The following PTPRT variants were observed in gnomAD, a reference collection of about 807,000 sequenced individuals.
PTPRT encodes the protein protein tyrosine phosphatase receptor type T.
In PTPRT, 56 loss-of-function variants were observed where a neutral mutation model predicts 176.8. The ratio of observed to expected loss-of-function variants is 0.32; its 90% CI spans 0.26 to 0.40. PTPRT has a LOEUF of 0.40. Among genes scored for constraint, PTPRT ranks in the 10% least tolerant of loss-of-function variants. The pLI, the probability that PTPRT is intolerant of heterozygous loss-of-function variation, is 1.00. For synonymous variants in PTPRT, 783 were observed against 739.0 expected, an observed-to-expected ratio of 1.06 and a Z score of -0.96; for missense variants, 1,540 against 1,908.2, an observed-to-expected ratio of 0.81 and a Z score of 3.60.
At chr20:42,548,222 A>G (rs1006903060) in intron 7 of PTPRT, among the ~76,000 whole-genome samples, 1 of 152,234 alleles carries the variant, frequency 6.6e-6, no homozygotes, top group South Asian at 2.1e-4. Context: ...AGATAAACTT[A>G]GCTTAAAATT....
chr20:42,557,159 C>A (rs988413738), intron 7 of PTPRT, among the ~76,000 whole-genome samples: 2 of 152,080 alleles, frequency 1.3e-5, no homozygotes, highest in African/African-American at 2.4e-5. Context: ...GCTTGTTTTG[C>A]GGGCTCACCC....
At chr20:42,509,023 A>G (rs1219579988) in intron 7 of PTPRT, among the ~76,000 whole-genome samples, 3 of 83,228 alleles carry the variant, frequency 3.6e-5, no homozygotes, top group African/African-American at 1.6e-4. Context: ...TTTATATTTA[A>G]TTTATAGATA....
At chr20:42,967,434 G>C (rs1196021415) in intron 1 of PTPRT, among the ~76,000 whole-genome samples, 2 of 152,248 alleles carry the variant, frequency 1.3e-5, no homozygotes, top group Non-Finnish European at 2.9e-5. Context: ...ACCAGGTGGA[G>C]ATCAAGGCAG....
In PTPRT at chr20:42,672,869, C is replaced by T. The variant is rs753442404; in HGVS notation, c.1153+4997G>A. 2.8e-4 allele frequency among the ~76,000 whole-genome samples: 43 copies of T among 152,228 alleles called. 1 individual carries two copies. Among genetic ancestry groups the T allele is most frequent in the South Asian group, 4.1e-4 (2 of 4,826 alleles). ...GCCTCTCTAGCATCTTCTTGTGCTACGCCCAAGCTTGTAGCCTACTGCTGC... is the reference window on the plus strand; with the variant it reads ...GCCTCTCTAGCATCTTCTTGTGCTATGCCCAAGCTTGTAGCCTACTGCTGC... On this transcript the variant is annotated intron_variant, in intron 7 of 30. Transcript: ENST00000373187.
intron 24 of PTPRT, 105 bp downstream of exon 24, chr20:42,106,681 C>T: frequency 6.9e-7 from 1 of 1,439,556 alleles, no homozygotes; most frequent in Non-Finnish European, 9.5e-7. Context: ...ACACCCAGGT[C>T]CTTTCCATAG....
chr20:42,151,126 ATTTTTTT>A (rs11468504), intron 17 of PTPRT, among the ~76,000 whole-genome samples: 2 of 143,858 alleles, frequency 1.4e-5, no homozygotes, highest in African/African-American at 5.0e-5. Flanking sequence ...AACATCAAGG[ATTTTTTT>A]TTTTTTTTTA....
At position 43,123,541 on chromosome 20, in the gene PTPRT, T is replaced by C. The variant is rs146739021; in HGVS notation, c.88+66105A>G. Among the ~76,000 whole-genome samples the C allele has an allele frequency of 2.9e-3, 446 of 152,266 alleles. 2 individuals carry two copies. The highest frequency in any genetic ancestry group is 0.01 in the African/African-American group (427 of 41,550). On this transcript the variant is annotated intron_variant, in intron 1 of 30. Coordinates refer to ENST00000373187, the MANE Select transcript of PTPRT (RefSeq NM_007050.6). ...GCTGCTAGAACTCAAGTAGCCACCTTGGGCCATGAGGTTCAGGGCCACAAC... is the reference window on the plus strand; with the variant it reads ...GCTGCTAGAACTCAAGTAGCCACCTCGGGCCATGAGGTTCAGGGCCACAAC...
intron 2 of PTPRT, among the ~76,000 whole-genome samples, chr20:42,795,396 C>G (rs896542573): frequency 1.3e-5 from 2 of 152,190 alleles, no homozygotes; most frequent in Non-Finnish European, 2.9e-5. Context: ...TTTTTGGAGG[C>G]AAAATGCTTC....
chr20:42,464,576 A>C (rs6030264), intron 8 of PTPRT, among the ~76,000 whole-genome samples: 31,420 of 152,100 alleles, frequency 0.21, 3,486 homozygotes, highest in East Asian at 0.32. Flanking sequence ...TGCCTAGTTC[A>C]TAGTGTGCAC....
intron 7 of PTPRT, among the ~76,000 whole-genome samples, chr20:42,604,170 G>T (rs2073832587): frequency 6.6e-6 from 1 of 152,100 alleles, no homozygotes; most frequent in African/African-American, 2.4e-5. Flanking sequence ...GAAGCTGGAC[G>T]GCCTTGAGTC....
At chr20:42,535,364 TA>T (rs1410417441) in intron 7 of PTPRT, among the ~76,000 whole-genome samples, 1 of 152,176 alleles carries the variant, frequency 6.6e-6, no homozygotes, top group African/African-American at 2.4e-5. Context: ...AAGACTATCT[TA>T]TAGGGTCCTA....
intron 1 of PTPRT, among the ~76,000 whole-genome samples, chr20:43,116,103 G>C (rs1281792235): frequency 6.6e-6 from 1 of 152,084 alleles, no homozygotes; most frequent in Non-Finnish European, 1.5e-5. Flanking sequence ...CACCACATAC[G>C]AATCTACTGA....
intron 6 of PTPRT, among the ~76,000 whole-genome samples, chr20:42,728,538 C>T (rs967424366): frequency 5.3e-5 from 8 of 152,210 alleles, no homozygotes; most frequent in African/African-American, 1.9e-4. Context: ...GAGCATCCAA[C>T]ATTGACTAGC....
At chr20:42,082,113 C>T in intron 29 of PTPRT, 96 bp from the exon 30 acceptor site, 2 of 1,557,004 alleles carry the variant, frequency 1.3e-6, no homozygotes, top group Non-Finnish European at 1.8e-6. Context: ...GATCAGCTGT[C>T]TGGGCAGATG....
chr20:43,120,105 C>A (rs1427358076), intron 1 of PTPRT, among the ~76,000 whole-genome samples: 3 of 152,164 alleles, frequency 2.0e-5, no homozygotes, highest in African/African-American at 4.8e-5. Context: ...CCAGACCCGT[C>A]CAGCACCCTG....
At chr20:42,765,726 GTA>G (rs1027798235) in intron 5 of PTPRT, among the ~76,000 whole-genome samples, 1 of 151,696 alleles carries the variant, frequency 6.6e-6, no homozygotes, top group African/African-American at 2.4e-5. Flanking sequence ...ACATGAGCAT[GTA>G]TATGTGTATA....
In PTPRT at chr20:42,619,954, C is replaced by G. The variant is rs533554944; in HGVS notation, c.1153+57912G>C. On this transcript the variant is annotated intron_variant, in intron 7 of 30. Transcript: ENST00000373187. ...CTTCTCTCAGCTCGTCAAAGTCATT[C>G]TGCATCCAGCTTTGTTCCGTTGCTG... is the stretch of plus-strand genomic sequence containing the variant. Among the ~76,000 whole-genome samples the G allele has an allele frequency of 1.5e-4, 22 of 149,114 alleles. No homozygotes were observed. In the East Asian group the frequency reaches 2.3e-3, roughly 16 times the overall value.
chr20:42,667,267 A>G (rs1429737177), intron 7 of PTPRT, among the ~76,000 whole-genome samples: 2 of 152,172 alleles, frequency 1.3e-5, no homozygotes, highest in Non-Finnish European at 2.9e-5. Context: ...GGGCCATTTG[A>G]GCAAGTGTGT....
chr20:43,138,010 G>A (rs149549525), intron 1 of PTPRT, among the ~76,000 whole-genome samples: 1 of 152,136 alleles, frequency 6.6e-6, no homozygotes, highest in Non-Finnish European at 1.5e-5. Context: ...TGGGTAACCT[G>A]GTGTTACCTA....
Sources: gnomAD v4.1 joint callset for allele counts (sites outside exome capture counted in the v4.1 genomes callset) on GRCh38, gnomAD v4.1.1 for gene constraint, MANE v1.5 for transcripts, NCBI Gene and HGNC (gene_info 2026-07-23, HGNC 2026-07-21) for gene names.